The following SH3KBP1 variants were observed in gnomAD, a reference collection of about 807,000 sequenced individuals.
SH3KBP1 encodes SH3 domain containing kinase binding protein 1.
SH3KBP1 carries 8 observed loss-of-function variants against 50.1 expected under a neutral mutation model. The observed-to-expected ratio is 0.16, with a 90% CI of 0.09 to 0.29. The LOEUF (loss-of-function observed/expected upper bound fraction) is 0.29. Among genes scored for constraint, SH3KBP1 ranks in the 10% least tolerant of loss-of-function variants. The pLI is 1.00. For missense variants in SH3KBP1, 377 were observed against 535.2 expected, an observed-to-expected ratio of 0.70 and a Z score of 2.92; for synonymous variants, 227 against 218.6, an observed-to-expected ratio of 1.04 and a Z score of -0.34.
chrX:19,844,331 C>T (rs773701532), intron 1 of SH3KBP1, among the ~76,000 whole-genome samples: 6 of 111,701 alleles, frequency 5.4e-5, no homozygotes, highest in Admixed American at 1.9e-4. Flanking sequence ...GTGCACCATA[C>T]GACACCAGGA....
At chrX:19,549,071 T>C (rs1046063236) in intron 14 of SH3KBP1, among the ~76,000 whole-genome samples, 5 of 111,737 alleles carry the variant, frequency 4.5e-5, no homozygotes, top group Non-Finnish European at 9.4e-5. Context: ...TAACGATACA[T>C]TGGCTAAACG....
intron 6 of SH3KBP1, among the ~76,000 whole-genome samples, chrX:19,659,272 G>A (rs1251312828): frequency 2.7e-5 from 3 of 109,108 alleles, no homozygotes; most frequent in Admixed American, 2.0e-4. Context: ...CCGCCACCAC[G>A]CCTGGCTAAT....
intron 8 of SH3KBP1, among the ~76,000 whole-genome samples, chrX:19,614,909 G>A (rs754413413): frequency 8.9e-6 from 1 of 111,789 alleles, no homozygotes; most frequent in Admixed American, 9.5e-5. Context: ...GTAGTGCCCG[G>A]AACATGTCAA....
At chrX:19,840,351 A>G (rs768499293) in intron 1 of SH3KBP1, among the ~76,000 whole-genome samples, 1 of 112,907 alleles carries the variant, frequency 8.9e-6, no homozygotes, top group African/African-American at 3.2e-5. Flanking sequence ...TTAGAAAAAA[A>G]TAATGTGAAA....
At position 19,733,552 on chromosome X, in the gene SH3KBP1, T is replaced by C. The variant is rs975476935; in HGVS notation, c.286+12766A>G. On this transcript the variant is annotated intron_variant, in intron 3 of 17. Coordinates refer to ENST00000397821, the MANE Select transcript of SH3KBP1 (RefSeq NM_031892.3). ...CCTCATACTACACATCAAAATTCTATACAGATTAAAATTTTGAAGTAAAAA... is the reference window on the plus strand; with the variant it reads ...CCTCATACTACACATCAAAATTCTACACAGATTAAAATTTTGAAGTAAAAA... 2.7e-5 allele frequency among the ~76,000 whole-genome samples: 3 copies of C among 110,894 alleles called. No homozygotes were observed. The South Asian group carries it at 1.1e-3, about 41-fold the overall frequency.
intron 9 of SH3KBP1, among the ~76,000 whole-genome samples, chrX:19,599,000 A>G (rs1397836695): frequency 8.9e-6 from 1 of 112,001 alleles, no homozygotes; most frequent in Non-Finnish European, 1.9e-5. Flanking sequence ...AAAAAACGCA[A>G]TATCTGAAAC....
At chrX:19,637,304 C>A (rs1351855625) in intron 7 of SH3KBP1, among the ~76,000 whole-genome samples, 1 of 111,919 alleles carries the variant, frequency 8.9e-6, no homozygotes, top group East Asian at 2.8e-4. Context: ...GTTTTCAGAG[C>A]TTTTTGTATT....
At chrX:19,804,063 T>C (rs991905751) in intron 2 of SH3KBP1, among the ~76,000 whole-genome samples, 1 of 111,411 alleles carries the variant, frequency 9.0e-6, no homozygotes, top group Admixed American at 9.5e-5. Context: ...TCCCAGTTAC[T>C]CGGGAGGCTG....
At chrX:19,884,097 T>C (rs2069521532) in intron 1 of SH3KBP1, among the ~76,000 whole-genome samples, 1 of 111,890 alleles carries the variant, frequency 8.9e-6, no homozygotes, top group African/African-American at 3.3e-5. Flanking sequence ...TCAACCAGAT[T>C]TCTGCTCAAA....
At chrX:19,747,544 T>C (rs935786745) in intron 2 of SH3KBP1, 1 of 313,617 alleles carries the variant, frequency 3.2e-6, no homozygotes, top group Non-Finnish European at 6.5e-6. Flanking sequence ...GATGCTAAAT[T>C]GGGTAGAGGG....
chrX:19,626,224 G>T (rs772531045), intron 8 of SH3KBP1, among the ~76,000 whole-genome samples: 1 of 111,097 alleles, frequency 9.0e-6, no homozygotes, highest in Non-Finnish European at 1.9e-5. Flanking sequence ...TTGAGGTAGA[G>T]ATGAAAAGGA....
At chrX:19,672,940 C>CCT (rs1569409564) in intron 6 of SH3KBP1, among the ~76,000 whole-genome samples, 1 of 96,765 alleles carries the variant, frequency 1.0e-5, no homozygotes, top group Non-Finnish European at 2.1e-5. Context: ...GCCTGTAATC[C>CCT]CAGCTACTCA....
At chrX:19,876,444 A>G (rs999076321) in intron 1 of SH3KBP1, among the ~76,000 whole-genome samples, 1 of 111,852 alleles carries the variant, frequency 8.9e-6, no homozygotes, top group Non-Finnish European at 1.9e-5. Flanking sequence ...AACCCAGATC[A>G]GCTGAGCCTC....
intron 2 of SH3KBP1, among the ~76,000 whole-genome samples, chrX:19,764,426 CCT>C (rs1367799900): frequency 1.9e-4 from 21 of 111,359 alleles, no homozygotes; most frequent in African/African-American, 5.6e-4. Context: ...CCAAATTTCC[CCT>C]GACTCTGACC....
At chrX:19,594,326 A>C (rs886337283) in intron 10 of SH3KBP1, among the ~76,000 whole-genome samples, 10 of 112,221 alleles carry the variant, frequency 8.9e-5, no homozygotes, top group African/African-American at 2.9e-4. Flanking sequence ...CAAGCTACCA[A>C]ATGTTCAACA....
intron 1 of SH3KBP1, among the ~76,000 whole-genome samples, chrX:19,864,463 G>C (rs777562927): frequency 1.8e-5 from 2 of 111,967 alleles, no homozygotes; most frequent in Non-Finnish European, 3.8e-5. Flanking sequence ...GTACCCACAA[G>C]GGTTCTTAAA....
intron 13 of SH3KBP1, among the ~76,000 whole-genome samples, chrX:19,567,719 G>C (rs1169591255): frequency 9.5e-6 from 1 of 105,411 alleles, no homozygotes; most frequent in Non-Finnish European, 1.9e-5. Flanking sequence ...ACTGAGTAAA[G>C]GGTACACAGA....
At chrX:19,799,893 A>G (rs2066846645) in intron 2 of SH3KBP1, 1 of 862,019 alleles carries the variant, frequency 1.2e-6, no homozygotes, top group Admixed American at 4.9e-5. Context: ...TTTCTGTCGC[A>G]AATCAAGTGA....
intron 6 of SH3KBP1, among the ~76,000 whole-genome samples, chrX:19,659,576 C>T (rs892870497): frequency 2.7e-5 from 3 of 112,049 alleles, no homozygotes; most frequent in African/African-American, 9.7e-5. Context: ...CCAAGGTCCA[C>T]ATTTGATACG....
Sources: gnomAD v4.1 joint callset for allele counts (sites outside exome capture counted in the v4.1 genomes callset) on GRCh38, gnomAD v4.1.1 for gene constraint, MANE v1.5 for transcripts, NCBI Gene and HGNC (gene_info 2026-07-23, HGNC 2026-07-21) for gene names.